NOL4: variants seen among roughly 807,000 people sequenced by gnomAD.
NOL4 encodes the protein nucleolar protein 4.
NOL4 carries 17 observed loss-of-function variants against 75.9 expected under a neutral mutation model. That is an observed-to-expected ratio of 0.22 (90% CI 0.15 to 0.34). NOL4 has a LOEUF of 0.34. Among genes scored for constraint, NOL4 ranks in the 10% least tolerant of loss-of-function variants. The probability of loss-of-function intolerance (pLI) is 1.00; values close to 1 mark genes in which losing one functional copy is unlikely to be tolerated. For missense variants in NOL4, 614 were observed against 793.5 expected (o/e 0.77, Z 2.72); for synonymous variants, 292 against 289.9 (o/e 1.01, Z -0.07).
intron 1 of NOL4, among the ~76,000 whole-genome samples, chr18:34,161,702 T>A (rs1355568115): frequency 6.6e-6 from 1 of 152,170 alleles, no homozygotes; most frequent in Non-Finnish European, 1.5e-5. Context: ...TATTTCTTTT[T>A]ATGCTGTTGA....
At chr18:34,151,735 T>C (rs2081648186) in intron 1 of NOL4, among the ~76,000 whole-genome samples, 1 of 151,890 alleles carries the variant, frequency 6.6e-6, no homozygotes, top group Admixed American at 6.6e-5. Flanking sequence ...GTTTCATTGA[T>C]TGTAACCAAT....
At chr18:33,869,813 G>A (rs1336139584) in intron 10 of NOL4, among the ~76,000 whole-genome samples, 2 of 152,012 alleles carry the variant, frequency 1.3e-5, no homozygotes, top group East Asian at 3.9e-4. Context: ...TAGAACACAT[G>A]TGTCTGACTT....
chr18:33,941,924 G>A, intron 9 of NOL4, among the ~76,000 whole-genome samples: 1 of 151,920 alleles, frequency 6.6e-6, no homozygotes, highest in East Asian at 1.9e-4. Flanking sequence ...AATCAACACT[G>A]GTGGCACGAT....
intron 1 of NOL4, among the ~76,000 whole-genome samples, chr18:34,144,440 C>T (rs62095782): frequency 0.046 from 6,931 of 152,154 alleles, 241 homozygotes; most frequent in South Asian, 0.072. Flanking sequence ...AAAAAACTAA[C>T]TCATCTAATG....
At chr18:33,942,819 A>C (rs1241183400) in intron 9 of NOL4, among the ~76,000 whole-genome samples, 1 of 151,944 alleles carries the variant, frequency 6.6e-6, no homozygotes, top group Admixed American at 6.6e-5. Flanking sequence ...ATTGGATACT[A>C]AACAGAATCA....
intron 5 of NOL4, among the ~76,000 whole-genome samples, chr18:34,086,608 G>A (rs1203003770): frequency 6.6e-6 from 1 of 152,012 alleles, no homozygotes; most frequent in Non-Finnish European, 1.5e-5. Flanking sequence ...TGCTTTTACT[G>A]CTGGTTTATA....
intron 10 of NOL4, among the ~76,000 whole-genome samples, chr18:33,865,925 G>A (rs145131931): frequency 2.2e-4 from 34 of 152,112 alleles, no homozygotes; most frequent in East Asian, 5.8e-4. Context: ...TTTCTACAAC[G>A]TAACAAGTTG....
At chr18:33,966,649 A>C (rs1279293337) in intron 6 of NOL4, among the ~76,000 whole-genome samples, 1 of 152,148 alleles carries the variant, frequency 6.6e-6, no homozygotes, top group Non-Finnish European at 1.5e-5. Context: ...ACACACCAAG[A>C]ATGTTCAAGC....
chr18:33,922,542 G>T (rs114964502), intron 9 of NOL4, among the ~76,000 whole-genome samples: 3 of 152,170 alleles, frequency 2.0e-5, no homozygotes, highest in Non-Finnish European at 2.9e-5. Context: ...CTTGCAGTCT[G>T]CAGGCTGTAT....
At chr18:34,032,397 C>G (rs924147462) in intron 5 of NOL4, among the ~76,000 whole-genome samples, 2 of 152,144 alleles carry the variant, frequency 1.3e-5, no homozygotes, top group African/African-American at 4.8e-5. Context: ...CTCACCTGGC[C>G]CAGTGTTGCC....
intron 9 of NOL4, among the ~76,000 whole-genome samples, chr18:33,927,378 G>T (rs535386632): frequency 1.2e-4 from 19 of 152,216 alleles, no homozygotes; most frequent in Non-Finnish European, 2.6e-4. Flanking sequence ...GAAGCTATAG[G>T]TAAGGGCTCA....
chr18:34,074,031 G>A (rs1293057260), intron 5 of NOL4, among the ~76,000 whole-genome samples: 2 of 151,472 alleles, frequency 1.3e-5, no homozygotes, highest in Non-Finnish European at 3.0e-5. Flanking sequence ...AAAACAAGAA[G>A]TTACTTATAA....
chr18:34,148,700 TGGA>T (rs2081514563), intron 1 of NOL4, among the ~76,000 whole-genome samples: 1 of 152,010 alleles, frequency 6.6e-6, no homozygotes, highest in Non-Finnish European at 1.5e-5. Flanking sequence ...TGATTTTAGG[TGGA>T]GAGTTCTGTA....
intron 5 of NOL4, among the ~76,000 whole-genome samples, chr18:34,060,251 T>C (rs943490773): frequency 6.6e-6 from 1 of 152,200 alleles, no homozygotes; most frequent in Admixed American, 6.5e-5. Context: ...TACCAAGTGG[T>C]CATTAATGAA....
intron 10 of NOL4, among the ~76,000 whole-genome samples, chr18:33,871,829 G>A (rs2063717220): frequency 6.6e-6 from 1 of 152,042 alleles, no homozygotes; most frequent in Admixed American, 6.6e-5. Flanking sequence ...GGATAGTTCA[G>A]GGAACACACA....
chr18:33,877,371 T>C (rs145372654), intron 10 of NOL4, among the ~76,000 whole-genome samples: 171 of 144,036 alleles, frequency 1.2e-3, no homozygotes, highest in African/African-American at 4.4e-3. Flanking sequence ...TCCCAGCTAC[T>C]CAGACGACTG....
chr18:34,138,314 A>C (rs919557168), intron 1 of NOL4, among the ~76,000 whole-genome samples: 1 of 152,138 alleles, frequency 6.6e-6, no homozygotes, highest in African/African-American at 2.4e-5. Flanking sequence ...AGGTTGTAGG[A>C]TCACTTGAGC....
At chr18:33,932,226 T>A (rs187583567) in intron 9 of NOL4, among the ~76,000 whole-genome samples, 3 of 152,202 alleles carry the variant, frequency 2.0e-5, no homozygotes, top group Admixed American at 6.6e-5. Flanking sequence ...TTATATATAT[T>A]TTTTAATTGC....
chr18:34,030,159 A>T (rs2075563925), intron 5 of NOL4, among the ~76,000 whole-genome samples: 1 of 152,230 alleles, frequency 6.6e-6, no homozygotes, highest in Non-Finnish European at 1.5e-5. Context: ...GGCTTCTAGA[A>T]AAAGGAGCAA....
Sources: allele counts gnomAD v4.1 joint callset (sites outside exome capture counted in the v4.1 genomes callset), GRCh38; gene constraint gnomAD v4.1.1; transcripts MANE v1.5; gene names NCBI Gene and HGNC (gene_info 2026-07-23, HGNC 2026-07-21).